SPIN1: variants seen among roughly 807,000 people sequenced by gnomAD.
The protein encoded by SPIN1 is spindlin 1, also known as spindlin-1.
Under a neutral mutation model 26.0 loss-of-function variants are expected in SPIN1, and 3 were observed. The ratio of observed to expected loss-of-function variants is 0.12; its 90% CI spans 0.05 to 0.30. The LOEUF is 0.30. Among genes scored for constraint, SPIN1 ranks in the 10% least tolerant of loss-of-function variants. The pLI is 1.00. For missense variants in SPIN1, 126 were observed against 333.4 expected, an observed-to-expected ratio of 0.38 and a Z score of 4.84; for synonymous variants, 101 against 116.5, an observed-to-expected ratio of 0.87 and a Z score of 0.86.
chr9:88,440,849 G>T (rs1828107300), intron 2 of SPIN1, among the ~76,000 whole-genome samples: 1 of 150,510 alleles, frequency 6.6e-6, no homozygotes, highest in Non-Finnish European at 1.5e-5. Flanking sequence ...AAAGTGCTGG[G>T]ATTACAGGCA....
chr9:88,444,479 G>T (rs1587803034), intron 2 of SPIN1, among the ~76,000 whole-genome samples: 1 of 151,862 alleles, frequency 6.6e-6, no homozygotes, highest in South Asian at 2.1e-4. Context: ...TCCTGACCCC[G>T]TGATCCACCC....
chr9:88,431,255 A>G (rs1827864091), intron 2 of SPIN1, among the ~76,000 whole-genome samples: 2 of 147,430 alleles, frequency 1.4e-5, no homozygotes, highest in Non-Finnish European at 3.0e-5. Flanking sequence ...TGTACCTACT[A>G]CTCAAATTTA....
intron 2 of SPIN1, among the ~76,000 whole-genome samples, chr9:88,444,403 G>A (rs945933773): frequency 6.6e-6 from 1 of 151,630 alleles, no homozygotes; most frequent in Non-Finnish European, 1.5e-5. Context: ...ACTATGCCCG[G>A]CTAATTTTTT....
chr9:88,405,997 TTGTGTGTCTGTGTGTGTGTGTGTG>T lies in SPIN1; in HGVS notation c.-159+17467_-159+17490del, dbSNP rs200943212. Among the ~76,000 whole-genome samples the T allele has an allele frequency of 7.3e-4, 102 of 138,946 alleles. 1 individual carries two copies. The East Asian group carries it at 0.021, about 28-fold the overall frequency. 91.2% of individuals were successfully genotyped at this position (138,946 alleles called of 152,430 possible). ...ACAGGCGCATGCCACCGTGCCTGGCTTGTGTGTCTGTGTGTGTGTGTGTGTGTGTGTGTGTGTGTGTGTGTACGT... is the reference window on the plus strand; with the variant it reads ...ACAGGCGCATGCCACCGTGCCTGGCTTGTGTGTGTGTGTGTGTGTGTACGT... On this transcript the variant is annotated intron_variant, in intron 1 of 5. Transcript: ENST00000375859.
chr9:88,398,210 C>G (rs549661149), intron 1 of SPIN1, among the ~76,000 whole-genome samples: 3 of 152,098 alleles, frequency 2.0e-5, no homozygotes, highest in African/African-American at 7.2e-5. Context: ...AGCCTCCCAC[C>G]TGTGCCACTG....
intron 1 of SPIN1, among the ~76,000 whole-genome samples, chr9:88,425,724 G>A (rs1222146696): frequency 6.6e-6 from 1 of 151,478 alleles, no homozygotes; most frequent in Non-Finnish European, 1.5e-5. Context: ...TTTGGCATTT[G>A]CATGGGTGAG....
At chr9:88,436,754 CTTTTTTTTTT>C (rs776223657) in intron 2 of SPIN1, among the ~76,000 whole-genome samples, 2,625 of 98,612 alleles carry the variant, frequency 0.027, 37 homozygotes, top group Middle Eastern at 0.038. Flanking sequence ...TCCTCTGTGT[CTTTTTTTTTT>C]TTTTTTTTTT....
chr9:88,423,854 C>T (rs1194284866), intron 1 of SPIN1, among the ~76,000 whole-genome samples: 2 of 151,954 alleles, frequency 1.3e-5, no homozygotes, highest in Non-Finnish European at 2.9e-5. Context: ...CAACCTCTGC[C>T]TCCTGGGTTC....
chr9:88,427,979 A>G (rs1265702261), intron 2 of SPIN1, among the ~76,000 whole-genome samples: 1 of 152,158 alleles, frequency 6.6e-6, no homozygotes, highest in Non-Finnish European at 1.5e-5. Context: ...GTTGCCTGGC[A>G]CTTTTAATAG....
chr9:88,458,887 CATT>C (rs1296503871), intron 3 of SPIN1, among the ~76,000 whole-genome samples: 1 of 152,136 alleles, frequency 6.6e-6, no homozygotes, highest in Non-Finnish European at 1.5e-5. Context: ...GGTCCACCAA[CATT>C]ATGAGGGCAG....
chr9:88,422,889 T>C (rs894979019), intron 1 of SPIN1, among the ~76,000 whole-genome samples: 4 of 152,106 alleles, frequency 2.6e-5, no homozygotes, highest in African/African-American at 9.7e-5. Flanking sequence ...TTTGTATTTT[T>C]AGAGGAGACC....
chr9:88,411,526 T>G (rs1827442717), intron 1 of SPIN1: 1 of 673,148 alleles, frequency 1.5e-6, no homozygotes, highest in African/African-American at 1.8e-5. Flanking sequence ...GAAAGCTTTT[T>G]TTTTGGAGAC....
At chr9:88,393,445 G>GTT (rs57244433) in intron 1 of SPIN1, among the ~76,000 whole-genome samples, 2,356 of 88,364 alleles carry the variant, frequency 0.027, 570 homozygotes, top group African/African-American at 0.12. Context: ...TTGCTTTTGG[G>GTT]TTTTTTTTTT....
chr9:88,412,417 C>G (rs1013669607), intron 1 of SPIN1, among the ~76,000 whole-genome samples: 3 of 152,044 alleles, frequency 2.0e-5, no homozygotes, highest in South Asian at 2.1e-4. Context: ...GTCCATTGTT[C>G]CCAAGAGTTG....
At chr9:88,410,467 T>C (rs1827419567) in intron 1 of SPIN1, 1 of 695,484 alleles carries the variant, frequency 1.4e-6, no homozygotes. Context: ...CAAATCTGTT[T>C]TAACCTGTAG....
At chr9:88,402,021 C>T (rs370252056) in intron 1 of SPIN1, among the ~76,000 whole-genome samples, 10 of 152,238 alleles carry the variant, frequency 6.6e-5, no homozygotes, top group Admixed American at 1.3e-4. Flanking sequence ...GATGGAGTCT[C>T]GCTCTGTTGC....
chr9:88,391,391 T>C (rs1826917222), intron 1 of SPIN1: 1 of 173,086 alleles, frequency 5.8e-6, no homozygotes, highest in African/African-American at 2.4e-5. Flanking sequence ...GTGTCATGAT[T>C]CCCTGTTGTA....
chr9:88,413,154 C>T (rs1411565807), intron 1 of SPIN1, among the ~76,000 whole-genome samples: 1 of 150,274 alleles, frequency 6.7e-6, no homozygotes, highest in Admixed American at 6.7e-5. Flanking sequence ...GCAGCCTCTG[C>T]CTCCCAGGTT....
chr9:88,390,864 A>T (rs1440902131), intron 1 of SPIN1, among the ~76,000 whole-genome samples: 4 of 152,124 alleles, frequency 2.6e-5, no homozygotes, highest in Admixed American at 1.3e-4. Context: ...GTTTTTTTTT[A>T]AAGCTACTCA....
Sources: allele counts gnomAD v4.1 joint callset (sites outside exome capture counted in the v4.1 genomes callset), GRCh38; gene constraint gnomAD v4.1.1; transcripts MANE v1.5; gene names NCBI Gene and HGNC (gene_info 2026-07-23, HGNC 2026-07-21).